The following ANGPT2 variants were observed in gnomAD, a reference collection of about 807,000 sequenced individuals.
The protein encoded by ANGPT2 is angiopoietin 2.
In ANGPT2, 28 loss-of-function variants were observed where a neutral mutation model predicts 62.9. That is an observed-to-expected ratio of 0.44 (90% CI 0.33 to 0.61). ANGPT2 has a LOEUF of 0.61. Ranked by LOEUF, ANGPT2 falls within the 20% of genes least tolerant of loss-of-function variation. The pLI is 0.03. For synonymous variants in ANGPT2, 284 were observed against 207.8 expected (o/e 1.37, Z -3.15); for missense variants, 727 against 594.9 (o/e 1.22, Z -2.31).
intron 2 of ANGPT2, among the ~76,000 whole-genome samples, chr8:6,530,498 G>C (rs1282544509): frequency 1.7e-5 from 2 of 115,468 alleles, no homozygotes; most frequent in Non-Finnish European, 3.4e-5. Flanking sequence ...AATGCAGTGA[G>C]ACTCTGTCTC....
In ANGPT2 at chr8:6,500,196, G is replaced by GA; in HGVS notation, c.*2904dup. 2.2e-6 allele frequency: 1 copy of GA among 448,116 alleles called. No homozygotes were observed. Among genetic ancestry groups the GA allele is most frequent in the Non-Finnish European group, 4.1e-6 (1 of 243,780 alleles). 27.8% of individuals were successfully genotyped at this position (448,116 alleles called of 1,614,324 possible). ...CCTCAGAACTGAGAAAAACAAAAAT[G>GA]AAAAAAGACTGAATTCTTGGGCAGG... On this transcript the variant is annotated 3_prime_UTR_variant, in exon 9 of 9. Transcript: ENST00000629816.
At chr8:6,554,005 A>T (rs10103026) in intron 1 of ANGPT2, among the ~76,000 whole-genome samples, 1 of 151,682 alleles carries the variant, frequency 6.6e-6, no homozygotes, top group African/African-American at 2.4e-5. Flanking sequence ...AGACGAGCGC[A>T]CAACTCAGGT....
At position 6,516,402 on chromosome 8, in the gene ANGPT2, A is replaced by C. The variant is rs150471128; in HGVS notation, c.928-1624T>G. Among the ~76,000 whole-genome samples the C allele has an allele frequency of 2.5e-3, 381 of 152,322 alleles. 10 individuals are homozygous for C. Among genetic ancestry groups the C allele is most frequent in the African/African-American group, 8.9e-3 (372 of 41,578 alleles). ...TGATCAGTTACTCACCTTCTAAGTG[A>C]TATATAGGATTTGAATAAGGTCTCT... is the stretch of plus-strand genomic sequence containing the variant. On this transcript the variant is annotated intron_variant, in intron 5 of 8. Transcript: ENST00000629816.
At position 6,563,108 on chromosome 8, in the gene ANGPT2, G is replaced by T; in HGVS notation, c.-174C>A. 1 of 614,138 alleles carries T rather than the reference G, an allele frequency of 1.6e-6. No individual in the cohort carries two copies. The highest frequency in any genetic ancestry group is 2.7e-6 in the Non-Finnish European group (1 of 364,738). 38.0% of individuals were successfully genotyped at this position (614,138 alleles called of 1,614,324 possible). On this transcript the variant is annotated 5_prime_UTR_variant, in exon 1 of 9. Transcript: ENST00000629816. ...TAGCAAACCTGGTTTTTACTGCTGT[G>T]TTCTCTCCAGGCATGCAGTAAACTG...
intron 5 of ANGPT2, among the ~76,000 whole-genome samples, chr8:6,517,923 T>A (rs1816586131): frequency 6.6e-6 from 1 of 152,224 alleles, no homozygotes; most frequent in Admixed American, 6.5e-5. Context: ...TTGAGGTTTG[T>A]GAAAGCTTAT....
At chr8:6,537,769 G>T (rs1462773335) in intron 1 of ANGPT2, among the ~76,000 whole-genome samples, 1 of 151,970 alleles carries the variant, frequency 6.6e-6, no homozygotes, top group Non-Finnish European at 1.5e-5. Context: ...CAAAAGAAAA[G>T]TAATCTTGAA....
At chr8:6,528,059 C>G (rs941175993) in intron 2 of ANGPT2, among the ~76,000 whole-genome samples, 1 of 128,118 alleles carries the variant, frequency 7.8e-6, no homozygotes, top group Non-Finnish European at 1.8e-5. Context: ...CCATACCCAG[C>G]TAATTTTTTA....
intron 1 of ANGPT2, among the ~76,000 whole-genome samples, chr8:6,547,172 C>G (rs996288094): frequency 6.6e-6 from 1 of 151,978 alleles, no homozygotes; most frequent in African/African-American, 2.4e-5. Context: ...ACCATCCTCA[C>G]TTGCTCTAAG....
intron 1 of ANGPT2, among the ~76,000 whole-genome samples, chr8:6,543,849 TAA>T (rs1420111450): frequency 2.0e-5 from 3 of 152,226 alleles, no homozygotes; most frequent in African/African-American, 7.2e-5. Flanking sequence ...GCATGGACTT[TAA>T]GGAGCTGTAC....
intron 3 of ANGPT2, among the ~76,000 whole-genome samples, chr8:6,523,510 A>G (rs753431311): frequency 9.8e-5 from 15 of 152,356 alleles, no homozygotes; most frequent in Non-Finnish European, 1.5e-4. Context: ...AGTAGAGACT[A>G]TGTATTTGAG....
chr8:6,562,905 G>A lies in ANGPT2; in HGVS notation c.30C>T (p.Ser10=). 1 of 1,599,412 alleles carries A rather than the reference G, an allele frequency of 6.3e-7. No individual in the cohort carries two copies. ...AGGCTGCGGCCAAGACAAGATCACA[G>A]CTCAGAGTAAAGAAAACAATCTGCC... MWQIVFFTL[S]CDLVLAAAYN... is the part of the protein sequence containing the mutation. The change falls in exon 1 of 9, where the codon AGC becomes AGT. Residue 10 remains serine (S), a synonymous_variant. Coordinates refer to ENST00000629816, the MANE Select transcript of ANGPT2 (RefSeq NM_001118887.2).
chr8:6,539,901 G>C (rs577236227), intron 1 of ANGPT2, among the ~76,000 whole-genome samples: 4 of 152,290 alleles, frequency 2.6e-5, no homozygotes, highest in Non-Finnish European at 5.9e-5. Flanking sequence ...AATAATTTAT[G>C]AGTGACTATC....
At chr8:6,508,597 C>T in intron 8 of ANGPT2, 1 of 452,914 alleles carries the variant, frequency 2.2e-6, no homozygotes, top group Non-Finnish European at 3.8e-6. Flanking sequence ...TAACTTTTTA[C>T]ATAAAGCAAA....
rs960113397 is a variant in ANGPT2 at position 6,501,127 on chromosome 8, T to A, written c.*1974A>T. On this transcript the variant is annotated 3_prime_UTR_variant, in exon 9 of 9. Transcript: ENST00000629816. The stretch of plus-strand genomic sequence containing the variant: ...GTTCTAAGATAGGGAGGTTCTTAAC[T>A]AGTTAAATAGTTGTTGGAAAAGTGC... 1 of 152,226 alleles carries A rather than the reference T, an allele frequency of 6.6e-6. No individual in the cohort carries two copies. The highest frequency in any genetic ancestry group is 6.5e-5 in the Admixed American group (1 of 15,276). The allele number at this position is 152,226 out of a possible 1,614,324, so 9.4% of individuals were successfully genotyped here.
intron 5 of ANGPT2, 40 bp from the exon 6 acceptor site, chr8:6,514,818 C>G (rs745762047): frequency 6.4e-7 from 1 of 1,556,044 alleles, no homozygotes; most frequent in South Asian, 1.1e-5. Context: ...CAGAGCCCCC[C>G]CACTCCCCCC....
rs373970799 is a variant in ANGPT2 at position 6,562,697 on chromosome 8, G to A, written c.238C>T (p.Leu80=). Reference sequence around the variant, plus strand: ...TCCATGATGTTCTCCAGCACTTGCAGCCTCTGCACCGAGTCATCGTATTCG... The same window carrying A: ...TCCATGATGTTCTCCAGCACTTGCAACCTCTGCACCGAGTCATCGTATTCG... ...PLEYDDSVQR[L]QVLENIMENN... The change falls in exon 1 of 9, where the codon CTG becomes TTG. Residue 80 remains leucine (L), a synonymous_variant. Coordinates refer to ENST00000629816, the MANE Select transcript of ANGPT2 (RefSeq NM_001118887.2). The A allele has an allele frequency of 9.9e-6, 16 of 1,610,318 alleles. No individual in the cohort carries two copies. Among genetic ancestry groups the A allele is most frequent in the Non-Finnish European group, 1.4e-5 (16 of 1,177,152 alleles).
chr8:6,515,057 C>T (rs1205309493), intron 5 of ANGPT2, among the ~76,000 whole-genome samples: 1 of 151,902 alleles, frequency 6.6e-6, no homozygotes, highest in Non-Finnish European at 1.5e-5. Context: ...AGGCTAAAGA[C>T]CCCACCCTGA....
At chr8:6,521,841 A>G (rs1211998234) in intron 3 of ANGPT2, among the ~76,000 whole-genome samples, 2 of 152,214 alleles carry the variant, frequency 1.3e-5, no homozygotes, top group Non-Finnish European at 2.9e-5. Context: ...AACTATTTAT[A>G]TTTTAATATT....
At chr8:6,520,114 G>T in intron 4 of ANGPT2, 123 bp from the exon 5 acceptor site, 1 of 1,115,380 alleles carries the variant, frequency 9.0e-7, no homozygotes. Flanking sequence ...GCAAAAGGCT[G>T]TACCACTTTT....
Sources: allele counts gnomAD v4.1 joint callset (sites outside exome capture counted in the v4.1 genomes callset), GRCh38; gene constraint gnomAD v4.1.1; transcripts MANE v1.5; gene names NCBI Gene and HGNC (gene_info 2026-07-23, HGNC 2026-07-21).